The following TRPC3 variants were observed in gnomAD, a reference collection of about 807,000 sequenced individuals.
The protein encoded by TRPC3 is transient receptor potential cation channel subfamily C member 3.
In TRPC3, 54 loss-of-function variants were observed where a neutral mutation model predicts 90.9. The observed-to-expected ratio is 0.59, with a 90% CI of 0.48 to 0.75. The LOEUF is 0.75. TRPC3 is among the 30% of genes least tolerant of loss of function. The pLI, the probability that TRPC3 is intolerant of heterozygous loss-of-function variation, is 0.00. For missense variants in TRPC3, 918 were observed against 1,194.5 expected (o/e 0.77, Z 3.41); for synonymous variants, 424 against 450.9 (o/e 0.94, Z 0.75).
intron 9 of TRPC3, 118 bp from the exon 10 acceptor site, chr4:121,899,813 G>T: frequency 1.3e-6 from 1 of 781,334 alleles, no homozygotes; most frequent in Non-Finnish European, 2.1e-6. Flanking sequence ...GAAACATTTT[G>T]TGGAAGTTGA....
At chr4:121,891,961 C>T (rs1728345436) in intron 10 of TRPC3, among the ~76,000 whole-genome samples, 1 of 152,032 alleles carries the variant, frequency 6.6e-6, no homozygotes, top group Admixed American at 6.6e-5. Flanking sequence ...CCTTTTTTCC[C>T]CTCCTGTTTA....
chr4:121,933,804 G>C (rs1219509556), intron 1 of TRPC3, among the ~76,000 whole-genome samples: 1 of 151,740 alleles, frequency 6.6e-6, no homozygotes, highest in African/African-American at 2.4e-5. Flanking sequence ...TCTCTTAAGG[G>C]GATTCACCCA....
In TRPC3 at chr4:121,893,022, G is replaced by A. The variant is rs1037685588; in HGVS notation, c.2547+6590C>T. 7.3e-5 allele frequency among the ~76,000 whole-genome samples: 11 copies of A among 151,418 alleles called. 1 individual carries two copies. Among genetic ancestry groups the A allele is most frequent in the African/African-American group, 2.4e-5 (1 of 41,146 alleles). ...AGTAGTCCCAGCTACTCGGGAGGCT[G>A]AGGCAGGAGAATTGCTTGAATCCAG... On this transcript the variant is annotated intron_variant, in intron 10 of 11. Transcript: ENST00000379645.
At chr4:121,897,916 CA>C (rs1728575457) in intron 10 of TRPC3, among the ~76,000 whole-genome samples, 1 of 152,184 alleles carries the variant, frequency 6.6e-6, no homozygotes, top group Admixed American at 6.5e-5. Context: ...TGTCTAACAG[CA>C]GATGAATGTA....
intron 3 of TRPC3, among the ~76,000 whole-genome samples, chr4:121,921,294 G>A (rs890663021): frequency 6.6e-6 from 1 of 151,746 alleles, no homozygotes; most frequent in African/African-American, 2.4e-5. Flanking sequence ...AGGCCGAGGC[G>A]GGCGGATCAC....
At position 121,924,964 on chromosome 4, in the gene TRPC3, T is replaced by C. The variant is rs1729652043; in HGVS notation, c.1176+54A>G. 2.6e-6 allele frequency: 4 copies of C among 1,537,626 alleles called. No homozygotes were observed. In the Admixed American group the frequency reaches 7.8e-5, roughly 30 times the overall value. On this transcript the variant is annotated intron_variant, in intron 3 of 11. Transcript: ENST00000379645. The stretch of plus-strand genomic sequence containing the variant: ...TAATTTTCCTAGGATTATGGCATAG[T>C]TTGTATCACATGTTTATTCTAATAT...
In TRPC3 at chr4:121,932,424, G is replaced by C. The variant is rs200018915; in HGVS notation, c.834C>G (p.His278Gln). The C allele has an allele frequency of 3.8e-5, 62 of 1,614,142 alleles. No individual in the cohort carries two copies. Among genetic ancestry groups the C allele is most frequent in the Non-Finnish European group, 5.3e-5 (62 of 1,180,006 alleles). The change falls in exon 2 of 12, where the codon CAC becomes CAG. Residue 278 changes from histidine (H) to glutamine (Q), a missense_variant. Around this residue, in one of 4 missense-constraint regions of TRPC3, gnomAD observed 609 missense variants for 725.9 expected, o/e 0.84. Transcript: ENST00000379645. This position sits in a 1 kb window ranked among gnomAD's most constrained non-coding sequence, Gnocchi z 7.7. ...KCGDCMEKQR[H>Q]DSFSHSRSRI... ...TCGAGCGTGAGTGGCTGAAGGAGTC[G>C]TGCCTCTGCTTCTCCATGCAGTCCC...
chr4:121,950,473 A>G (rs1286173083), intron 1 of TRPC3: 1 of 152,280 alleles, frequency 6.6e-6, no homozygotes, highest in Non-Finnish European at 1.5e-5. Context: ...CGTTCTTCCT[A>G]AAAAAGACAG....
Position 121,882,405 on chromosome 4 carries a change from G to C in TRPC3, c.2572C>G (p.Arg858Gly). The C allele has an allele frequency of 6.2e-7, 1 of 1,609,772 alleles. No homozygotes were observed. The highest frequency in any genetic ancestry group is 8.5e-7 in the Non-Finnish European group (1 of 1,178,300). The change falls in exon 11 of 12, where the codon CGG becomes GGG. Residue 858 changes from arginine to glycine, a missense_variant. Arg to Gly is a moderately radical substitution (Grantham distance 125). Around this residue, in one of 4 missense-constraint regions of TRPC3, gnomAD observed 121 missense variants for 135.7 expected, o/e 0.89. Transcript: ENST00000379645. ...YQQIMKRLIKRYVLKAQVDKE... is the reference protein window; with the variant it reads ...YQQIMKRLIKGYVLKAQVDKE... ...TCTACTTGTGCTTTCAAAACATACC[G>C]CTTTATAAGTCTTTTCATTATCTGC...
At position 121,932,259 on chromosome 4, in the gene TRPC3, C is replaced by A; in HGVS notation, c.987+12G>T. On this transcript the variant is annotated intron_variant, in intron 2 of 11. Transcript: ENST00000379645. The surrounding 1 kb of genome is among the most constrained non-coding windows in gnomAD (Gnocchi z 7.7). Reference sequence around the variant, plus strand: ...AGCACACAGAGCAGCCGGGGTAGAGCGCAAAGCTTACCTTGAACTCCTTCT... The same window carrying A: ...AGCACACAGAGCAGCCGGGGTAGAGAGCAAAGCTTACCTTGAACTCCTTCT... 6.2e-7 allele frequency: 1 copy of A among 1,611,424 alleles called. No homozygotes were observed. The highest frequency in any genetic ancestry group is 8.5e-7 in the Non-Finnish European group (1 of 1,178,188).
intron 2 of TRPC3, 62 bp from the exon 3 acceptor site, chr4:121,925,268 T>G (rs947764193): frequency 6.6e-7 from 1 of 1,504,546 alleles, no homozygotes; most frequent in Non-Finnish European, 8.9e-7. Context: ...TGGAAAGTAT[T>G]TGGGTGAATT....
rs146662112 is a variant in TRPC3 at position 121,894,533 on chromosome 4, A to G, written c.2547+5079T>C. ...ATATATTTACAGAACATTTTACCCA[A>G]CAGCTGGAAAGTACACATTCTGTTT... On this transcript the variant is annotated intron_variant, in intron 10 of 11. Coordinates refer to ENST00000379645, the MANE Select transcript of TRPC3 (RefSeq NM_001130698.2). 2.1e-4 allele frequency among the ~76,000 whole-genome samples: 31 copies of G among 146,446 alleles called. 1 individual carries two copies. The South Asian group carries it at 2.4e-3, about 12-fold the overall frequency.
At chr4:121,903,807 C>T (rs1728785519) in intron 8 of TRPC3, among the ~76,000 whole-genome samples, 1 of 152,024 alleles carries the variant, frequency 6.6e-6, no homozygotes, top group Non-Finnish European at 1.5e-5. Context: ...TAACAAACTG[C>T]AAAGCACTAA....
intron 1 of TRPC3, among the ~76,000 whole-genome samples, chr4:121,942,338 A>T (rs1414770821): frequency 6.6e-6 from 1 of 152,060 alleles, no homozygotes; most frequent in Non-Finnish European, 1.5e-5. Flanking sequence ...GAGGCAGATG[A>T]CTCACTTGAA....
chr4:121,910,454 T>C (rs563120568), intron 5 of TRPC3, 67 bp from the exon 6 acceptor site: 21 of 1,284,328 alleles, frequency 1.6e-5, no homozygotes, highest in Non-Finnish European at 2.3e-5. Context: ...CATTATTGTG[T>C]CCACCATCAG....
intron 1 of TRPC3, among the ~76,000 whole-genome samples, chr4:121,937,344 T>C (rs560470300): frequency 5.3e-4 from 80 of 152,362 alleles, no homozygotes; most frequent in African/African-American, 1.6e-3. Context: ...TTCAAGCAGT[T>C]GTCACTCTGG....
At chr4:121,889,698 A>G (rs1728253968) in intron 10 of TRPC3, among the ~76,000 whole-genome samples, 1 of 152,238 alleles carries the variant, frequency 6.6e-6, no homozygotes, top group Admixed American at 6.5e-5. Flanking sequence ...GAACCACCAT[A>G]TGATTCAAAA....
chr4:121,933,283 T>C (rs531800942), intron 1 of TRPC3: 4 of 633,298 alleles, frequency 6.3e-6, no homozygotes, highest in East Asian at 3.7e-5. Context: ...TCCTATTCTC[T>C]AGAAAATGAT....
At chr4:121,937,707 C>T (rs1336883235) in intron 1 of TRPC3, among the ~76,000 whole-genome samples, 1 of 152,236 alleles carries the variant, frequency 6.6e-6, no homozygotes, top group Admixed American at 6.5e-5. Flanking sequence ...CAAGAAGCCT[C>T]TCTCTTCAGA....
Sources: allele counts gnomAD v4.1 joint callset (sites outside exome capture counted in the v4.1 genomes callset), GRCh38; gene constraint gnomAD v4.1.1; regional missense constraint gnomAD v4.1.1; non-coding constraint Gnocchi (gnomAD v3.1); transcripts MANE v1.5; gene names NCBI Gene and HGNC (gene_info 2026-07-23, HGNC 2026-07-21).